The following AFF1 variants were observed in gnomAD, a reference collection of about 807,000 sequenced individuals.
AFF1 encodes the protein AF4/FMR2 family member 1.
AFF1 carries 48 observed loss-of-function variants against 121.7 expected under a neutral mutation model. The observed-to-expected ratio is 0.39, with a 90% CI of 0.31 to 0.50. The LOEUF is 0.50. Ranked by LOEUF, AFF1 falls within the 20% of genes least tolerant of loss-of-function variation. The pLI, the probability that AFF1 is intolerant of heterozygous loss-of-function variation, is 0.76. For missense variants in AFF1, 1,523 were observed against 1,511.7 expected (o/e 1.01, Z -0.12); for synonymous variants, 613 against 563.0 (o/e 1.09, Z -1.26).
At chr4:87,077,729 T>C (rs946845597) in intron 4 of AFF1, among the ~76,000 whole-genome samples, 6 of 152,254 alleles carry the variant, frequency 3.9e-5, no homozygotes, top group Non-Finnish European at 8.8e-5. Context: ...AATGCTGGCA[T>C]ATAATGCATC....
At chr4:87,011,440 A>G (rs188256704) in intron 2 of AFF1, among the ~76,000 whole-genome samples, 509 of 152,304 alleles carry the variant, frequency 3.3e-3, no homozygotes, top group African/African-American at 0.011. Flanking sequence ...TTCCATTGCA[A>G]AAAGCAATGC....
chr4:87,126,742 A>G (rs1650743999), intron 14 of AFF1, among the ~76,000 whole-genome samples: 2 of 152,078 alleles, frequency 1.3e-5, no homozygotes, highest in African/African-American at 4.8e-5. Context: ...ATCTGGGTGG[A>G]GTGGAGTGGT....
intron 2 of AFF1, among the ~76,000 whole-genome samples, chr4:87,029,204 G>A (rs1264528851): frequency 6.6e-6 from 1 of 152,160 alleles, no homozygotes; most frequent in African/African-American, 2.4e-5. Context: ...CTACTTTATT[G>A]TAAGAGAATA....
At chr4:87,107,013 G>C (rs765599599) in intron 10 of AFF1, among the ~76,000 whole-genome samples, 1 of 152,136 alleles carries the variant, frequency 6.6e-6, no homozygotes, top group Non-Finnish European at 1.5e-5. Context: ...GAGACCAAGC[G>C]GGGGTACAAA....
chr4:86,977,916 C>T (rs976904389), intron 2 of AFF1, among the ~76,000 whole-genome samples: 1 of 152,074 alleles, frequency 6.6e-6, no homozygotes, highest in African/African-American at 2.4e-5. Context: ...TATCGAGTGC[C>T]TACTGCACAC....
At position 87,114,536 on chromosome 4, in the gene AFF1, A is replaced by G. The variant is rs923104921; in HGVS notation, c.1703A>G (p.Asp568Gly). The change falls in exon 12 of 21, where the codon GAT (aspartate) becomes GGT (glycine). Residue 568 changes from aspartate to glycine, a missense_variant. Transcript: ENST00000395146. ...ATSQEHSESK[D>G]PPPKSSSKAP... ...AGTCAGGAGCATTCTGAATCCAAAG[A>G]TCCTCCCCCTAAAAGCTCCAGCAAA... is the stretch of plus-strand genomic sequence containing the variant. 6.2e-6 allele frequency: 10 copies of G among 1,612,230 alleles called. No individual in the cohort carries two copies. In the Admixed American group the frequency reaches 1.5e-4, roughly 24 times the overall value.
chr4:86,969,879 C>CAAAAAAAA (rs70953629), intron 2 of AFF1, among the ~76,000 whole-genome samples: 1,055 of 63,552 alleles, frequency 0.017, 107 homozygotes, highest in African/African-American at 0.054. Context: ...GACTCCGTCT[C>CAAAAAAAA]AAAAAAAAAA....
chr4:87,128,177 A>G (rs1578315327), intron 16 of AFF1, among the ~76,000 whole-genome samples: 1 of 152,236 alleles, frequency 6.6e-6, no homozygotes, highest in East Asian at 1.9e-4. Flanking sequence ...ACATTCCAAA[A>G]TTATCTTAAA....
At chr4:86,940,803 AG>A (rs1369799524) in intron 1 of AFF1, among the ~76,000 whole-genome samples, 1 of 151,664 alleles carries the variant, frequency 6.6e-6, no homozygotes, top group African/African-American at 2.4e-5. Context: ...CTGTGAAGGG[AG>A]GGGCTGGGCA....
chr4:86,991,107 G>A (rs1000203931), intron 2 of AFF1, among the ~76,000 whole-genome samples: 4 of 151,162 alleles, frequency 2.6e-5, no homozygotes, highest in South Asian at 2.1e-4. Context: ...AGTCGAGATC[G>A]TGCCATTGCA....
chr4:87,104,797 T>G (rs981406881), intron 8 of AFF1, among the ~76,000 whole-genome samples: 1 of 152,198 alleles, frequency 6.6e-6, no homozygotes, highest in Non-Finnish European at 1.5e-5. Flanking sequence ...AAATGTTTGC[T>G]TTTTACTATT....
At chr4:86,960,824 A>G (rs1722094206) in intron 2 of AFF1, among the ~76,000 whole-genome samples, 1 of 152,154 alleles carries the variant, frequency 6.6e-6, no homozygotes, top group Non-Finnish European at 1.5e-5. Flanking sequence ...GCCCTACCAG[A>G]TTTTAAACAA....
intron 12 of AFF1, among the ~76,000 whole-genome samples, chr4:87,119,713 T>C (rs1727492941): frequency 1.3e-5 from 2 of 152,240 alleles, no homozygotes; most frequent in South Asian, 4.1e-4. Context: ...CTGTCTTAAT[T>C]GTCATTTAGA....
chr4:87,111,766 C>T (rs1171206574), intron 11 of AFF1, among the ~76,000 whole-genome samples: 1 of 152,152 alleles, frequency 6.6e-6, no homozygotes, highest in Non-Finnish European at 1.5e-5. Context: ...ACAGGATTGC[C>T]CCTACCTGTT....
At chr4:87,025,720 A>G (rs1728463790) in intron 2 of AFF1, among the ~76,000 whole-genome samples, 1 of 152,126 alleles carries the variant, frequency 6.6e-6, no homozygotes, top group Non-Finnish European at 1.5e-5. Flanking sequence ...AATACACAGG[A>G]CAGCCCCACC....
chr4:87,126,022 C>T, intron 13 of AFF1, 77 bp from the exon 14 acceptor site: 1 of 1,405,118 alleles, frequency 7.1e-7, no homozygotes, highest in Non-Finnish European at 1.0e-6. Context: ...GTGCCAGCAG[C>T]CAGTTTGTAA....
At chr4:87,113,981 CA>C (rs776247651) in intron 11 of AFF1, among the ~76,000 whole-genome samples, 7 of 152,202 alleles carry the variant, frequency 4.6e-5, no homozygotes, top group Non-Finnish European at 1.0e-4. Context: ...CTGCCTTCTG[CA>C]AATACTTGAT....
intron 5 of AFF1, among the ~76,000 whole-genome samples, chr4:87,088,396 G>C (rs975491702): frequency 6.6e-6 from 1 of 152,228 alleles, no homozygotes; most frequent in Non-Finnish European, 1.5e-5. Context: ...CAATGGGGAA[G>C]GGCAACGGGA....
At chr4:86,952,864 T>TA (rs1292214648) in intron 2 of AFF1, among the ~76,000 whole-genome samples, 9 of 145,564 alleles carry the variant, frequency 6.2e-5, no homozygotes, top group Non-Finnish European at 1.1e-4. Context: ...TATTTTGTAT[T>TA]TTTTATTTAT....
Sources: allele counts gnomAD v4.1 joint callset (sites outside exome capture counted in the v4.1 genomes callset), GRCh38; gene constraint gnomAD v4.1.1; transcripts MANE v1.5; gene names NCBI Gene and HGNC (gene_info 2026-07-23, HGNC 2026-07-21).